NWD2: variants seen among roughly 807,000 people sequenced by gnomAD.
NWD2 encodes NACHT and WD repeat domain containing 2.
A neutral mutation model predicts 132.7 loss-of-function variants in NWD2; 37 were observed. The ratio of observed to expected loss-of-function variants is 0.28; its 90% CI spans 0.21 to 0.37. The LOEUF is 0.37. NWD2 is among the 10% of genes least tolerant of loss of function. The pLI, the probability that NWD2 is intolerant of heterozygous loss-of-function variation, is 1.00. For missense variants in NWD2, 1,592 were observed against 2,122.4 expected (o/e 0.75, Z 4.91); for synonymous variants, 705 against 803.0 (o/e 0.88, Z 2.06).
intron 3 of NWD2, among the ~76,000 whole-genome samples, chr4:37,393,431 A>AT (rs1317495259): frequency 1.3e-5 from 2 of 152,184 alleles, no homozygotes; most frequent in African/African-American, 4.8e-5. Context: ...ATGTGTTGTC[A>AT]TGAGAAGAAA....
intron 3 of NWD2, among the ~76,000 whole-genome samples, chr4:37,384,401 G>A (rs1720518225): frequency 6.6e-6 from 1 of 151,982 alleles, no homozygotes; most frequent in Non-Finnish European, 1.5e-5. Flanking sequence ...TTATTGAGTT[G>A]TTCTCTACCT....
At chr4:37,441,582 A>G (rs1243995378) in intron 6 of NWD2, among the ~76,000 whole-genome samples, 1 of 152,230 alleles carries the variant, frequency 6.6e-6, no homozygotes, top group African/African-American at 2.4e-5. Context: ...CCAGTGAGGC[A>G]GAGTGTGGTA....
intron 1 of NWD2, among the ~76,000 whole-genome samples, chr4:37,254,142 A>T (rs1717460249): frequency 1.3e-5 from 2 of 152,184 alleles, no homozygotes; most frequent in Non-Finnish European, 2.9e-5. Context: ...TGTACAACCA[A>T]CCGCCCATGA....
intron 1 of NWD2, among the ~76,000 whole-genome samples, chr4:37,274,962 C>T (rs1717974651): frequency 6.6e-6 from 1 of 152,124 alleles, no homozygotes; most frequent in Admixed American, 6.6e-5. Flanking sequence ...GACAAATGCA[C>T]AGCCAATATC....
chr4:37,275,574 T>A (rs1427072493), intron 1 of NWD2, among the ~76,000 whole-genome samples: 2 of 152,130 alleles, frequency 1.3e-5, no homozygotes, highest in African/African-American at 4.8e-5. Context: ...TGGAAAAAAC[T>A]ACTTTAAAGT....
In NWD2 at chr4:37,342,128, G is replaced by A. The variant is rs78626841; in HGVS notation, c.241-14238G>A. 3.5e-3 allele frequency among the ~76,000 whole-genome samples: 535 copies of A among 152,282 alleles called. 4 individuals carry two copies. The highest frequency in any genetic ancestry group is 0.012 in the African/African-American group (488 of 41,566). ...TGTTATCCTCAACACTGGGGATGGG[G>A]CCTGGTGGGAGGTGTTTGGGTCACA... On this transcript the variant is annotated intron_variant, in intron 2 of 6. Coordinates refer to ENST00000309447, the MANE Select transcript of NWD2 (RefSeq NM_001144990.2).
At chr4:37,356,551 A>G (rs911654610) in intron 3 of NWD2, 69 bp downstream of exon 3, 43 of 1,034,452 alleles carry the variant, frequency 4.2e-5, no homozygotes, top group Admixed American at 6.2e-5. Context: ...CTGATTTGTG[A>G]TTCATAAGGG....
At chr4:37,406,563 T>C (rs1299210594) in intron 3 of NWD2, among the ~76,000 whole-genome samples, 1 of 152,080 alleles carries the variant, frequency 6.6e-6, no homozygotes, top group Non-Finnish European at 1.5e-5. Flanking sequence ...AATGATAGAA[T>C]GGATAAAGAA....
intron 3 of NWD2, among the ~76,000 whole-genome samples, chr4:37,389,751 A>T (rs1720643068): frequency 6.6e-6 from 1 of 151,770 alleles, no homozygotes; most frequent in Admixed American, 6.6e-5. Context: ...TTATAAAATA[A>T]CTTTGGATGT....
At position 37,439,544 on chromosome 4, in the gene NWD2, A is replaced by G. The variant is rs1441891565; in HGVS notation, c.1296+154A>G. The stretch of plus-strand genomic sequence containing the variant: ...ACTGCAGTGCTTCTTTTTTGCTGGT[A>G]TAACAGTTATATTGAGAGAGCAAAA... On this transcript the variant is annotated intron_variant, in intron 6 of 6. Transcript: ENST00000309447. This position sits in a 1 kb window ranked among gnomAD's most constrained non-coding sequence, Gnocchi z 4.5. Among the ~76,000 whole-genome samples, 2 of 152,178 alleles carry G rather than the reference A, an allele frequency of 1.3e-5. No homozygotes were observed. The highest frequency in any genetic ancestry group is 1.3e-4 in the Admixed American group (2 of 15,270).
intron 3 of NWD2, among the ~76,000 whole-genome samples, chr4:37,403,056 GA>G (rs1184845954): frequency 6.6e-6 from 1 of 152,080 alleles, no homozygotes; most frequent in African/African-American, 2.4e-5. Context: ...GAGTCACCAA[GA>G]ACAAAGTCTA....
intron 3 of NWD2, among the ~76,000 whole-genome samples, chr4:37,381,186 T>C (rs571113276): frequency 1.3e-5 from 2 of 152,150 alleles, no homozygotes; most frequent in East Asian, 3.9e-4. Context: ...CCAGCACAGC[T>C]AGCATGGATT....
rs1308407988 is a variant in NWD2, at chr4:37,348,675, T to TATAC, written c.241-7690_241-7689insTACA. Among the ~76,000 whole-genome samples the TATAC allele has an allele frequency of 1.4e-3, 32 of 22,554 alleles. 1 individual carries two copies. The highest frequency in any genetic ancestry group is 2.4e-3 in the Admixed American group (3 of 1,242). The allele number at this position is 22,554 out of a possible 152,430, so 14.8% of individuals were successfully genotyped here. ...ATATATATATATATATATATATATA[T>TATAC]ACACACACACACACACACACACACA... On this transcript the variant is annotated intron_variant, in intron 2 of 6. Coordinates refer to ENST00000309447, the MANE Select transcript of NWD2 (RefSeq NM_001144990.2).
intron 2 of NWD2, among the ~76,000 whole-genome samples, chr4:37,336,688 C>T (rs1393180928): frequency 6.6e-6 from 1 of 152,138 alleles, no homozygotes; most frequent in Non-Finnish European, 1.5e-5. Context: ...CGCCTGTAAT[C>T]CTAACACTCT....
In NWD2 at chr4:37,439,220, C is replaced by A; in HGVS notation, c.1126C>A (p.His376Asn). ...TACACTCTATGATGAAATCCTTCAA[C>A]ATTCATCATTATGTAAAACATACGC... Reference protein sequence around the residue: ...TDTLYDEILQHSSLCKTYASF... With the variant: ...TDTLYDEILQNSSLCKTYASF... Residue 376 changes from histidine (H) to asparagine (N), a missense_variant, in exon 6 of 7, where the codon CAT (histidine) becomes AAT (asparagine). By Grantham distance (68) the His-to-Asn change is moderately conservative (BLOSUM62 1). Transcript: ENST00000309447. The surrounding 1 kb of genome is among the most constrained non-coding windows in gnomAD (Gnocchi z 4.5). 6.4e-7 allele frequency: 1 copy of A among 1,550,764 alleles called. No individual in the cohort carries two copies.
At chr4:37,385,673 G>T (rs1720549182) in intron 3 of NWD2, among the ~76,000 whole-genome samples, 1 of 152,184 alleles carries the variant, frequency 6.6e-6, no homozygotes, top group East Asian at 1.9e-4. Context: ...ACCAGGCTGA[G>T]GGGCCATGTC....
At chr4:37,338,609 T>A (rs889259981) in intron 2 of NWD2, among the ~76,000 whole-genome samples, 1 of 152,244 alleles carries the variant, frequency 6.6e-6, no homozygotes, top group Non-Finnish European at 1.5e-5. Flanking sequence ...TAGAAATCTT[T>A]AACTTAACCA....
At chr4:37,383,300 G>A (rs1720493244) in intron 3 of NWD2, among the ~76,000 whole-genome samples, 1 of 152,124 alleles carries the variant, frequency 6.6e-6, no homozygotes, top group Non-Finnish European at 1.5e-5. Context: ...AAAACAATTT[G>A]ATTTTCTAAG....
At chr4:37,388,736 T>C (rs1162933880) in intron 3 of NWD2, among the ~76,000 whole-genome samples, 2 of 145,792 alleles carry the variant, frequency 1.4e-5, no homozygotes, top group African/African-American at 2.6e-5. Context: ...ATATATATCA[T>C]AAAATTTGCC....
Sources: allele counts gnomAD v4.1 joint callset (sites outside exome capture counted in the v4.1 genomes callset), GRCh38; gene constraint gnomAD v4.1.1; non-coding constraint Gnocchi (gnomAD v3.1); transcripts MANE v1.5; gene names NCBI Gene and HGNC (gene_info 2026-07-23, HGNC 2026-07-21).